Variants in SNTG1 observed in about 807,000 individuals in gnomAD.
SNTG1 encodes the protein syntrophin gamma 1.
Under a neutral mutation model 74.7 loss-of-function variants are expected in SNTG1, and 39 were observed. The observed-to-expected ratio is 0.52, with a 90% CI of 0.40 to 0.68. SNTG1 has a LOEUF of 0.68. SNTG1 is among the 30% of genes least tolerant of loss of function. SNTG1 has a pLI of 0.00. For synonymous variants in SNTG1, 254 were observed against 217.1 expected (o/e 1.17, Z -1.49); for missense variants, 685 against 609.5 (o/e 1.12, Z -1.30).
chr8:50,535,787 A>G (rs2094303212), intron 10 of SNTG1, among the ~76,000 whole-genome samples: 1 of 152,198 alleles, frequency 6.6e-6, no homozygotes, highest in Non-Finnish European at 1.5e-5. Flanking sequence ...CAGAGTTTCA[A>G]TATCTAGACT....
chr8:50,553,859 C>T (rs2094441005), intron 12 of SNTG1, among the ~76,000 whole-genome samples: 1 of 152,138 alleles, frequency 6.6e-6, no homozygotes, highest in Admixed American at 6.6e-5. Context: ...GAGTATCAAT[C>T]TAGGTATCAT....
At chr8:49,931,283 AC>A (rs1807565127) in intron 1 of SNTG1, among the ~76,000 whole-genome samples, 1 of 152,234 alleles carries the variant, frequency 6.6e-6, no homozygotes, top group Non-Finnish European at 1.5e-5. Flanking sequence ...TGGAATATCC[AC>A]ATATCCTATA....
At chr8:49,979,757 G>A (rs1248837922) in intron 1 of SNTG1, among the ~76,000 whole-genome samples, 1 of 152,190 alleles carries the variant, frequency 6.6e-6, no homozygotes, top group Non-Finnish European at 1.5e-5. Flanking sequence ...AGGTATACTG[G>A]CTGAATGTTC....
intron 1 of SNTG1, among the ~76,000 whole-genome samples, chr8:49,998,356 T>C (rs967070046): frequency 6.6e-6 from 1 of 152,156 alleles, no homozygotes; most frequent in Non-Finnish European, 1.5e-5. Flanking sequence ...CAGGCTAGAC[T>C]AAGTTTATAA....
chr8:50,535,753 A>G (rs1431910899), intron 10 of SNTG1, among the ~76,000 whole-genome samples: 2 of 152,226 alleles, frequency 1.3e-5, no homozygotes, highest in African/African-American at 4.8e-5. Flanking sequence ...CCTGAGAGTA[A>G]TGCTTAATAA....
chr8:50,452,056 A>T (rs759335596), intron 8 of SNTG1, among the ~76,000 whole-genome samples: 2 of 152,222 alleles, frequency 1.3e-5, no homozygotes, highest in Non-Finnish European at 2.9e-5. Flanking sequence ...TACATTTCAC[A>T]TCTAAGAGAG....
Position 50,038,614 on chromosome 8 carries a change from G to C in SNTG1, c.-103+126383G>C, listed in dbSNP as rs542952423. On this transcript the variant is annotated intron_variant, in intron 1 of 18. Transcript: ENST00000642720. ...CTGTTCCTCCCCATTTGATGTGAAG[G>C]GTAAAAGAAAAAAAATTCATCACTC... Among the ~76,000 whole-genome samples, 8 of 151,906 alleles carry C rather than the reference G, an allele frequency of 5.3e-5. No individual in the cohort carries two copies. The East Asian group carries it at 1.5e-3, about 29-fold the overall frequency.
chr8:50,364,917 A>C (rs1208409854), intron 2 of SNTG1, among the ~76,000 whole-genome samples: 2 of 152,010 alleles, frequency 1.3e-5, no homozygotes, highest in African/African-American at 4.8e-5. Flanking sequence ...TTATTTTTTC[A>C]AACAGAAAAA....
chr8:50,137,442 T>G (rs896432819), intron 1 of SNTG1, among the ~76,000 whole-genome samples: 6 of 152,162 alleles, frequency 3.9e-5, no homozygotes, highest in Non-Finnish European at 7.3e-5. Flanking sequence ...TTGCTGTGTT[T>G]CAGTAGGTGT....
intron 2 of SNTG1, among the ~76,000 whole-genome samples, chr8:50,209,068 G>T (rs907220478): frequency 1.3e-5 from 2 of 152,192 alleles, no homozygotes; most frequent in East Asian, 3.9e-4. Flanking sequence ...CACATCAGGA[G>T]ATTATATCCT....
intron 2 of SNTG1, among the ~76,000 whole-genome samples, chr8:50,315,154 T>C (rs2090267875): frequency 6.7e-6 from 1 of 149,824 alleles, no homozygotes; most frequent in South Asian, 2.2e-4. Context: ...ATTTCTGAAA[T>C]GCAAGATAAG....
chr8:50,568,105 T>C (rs1331043924), intron 12 of SNTG1, among the ~76,000 whole-genome samples: 1 of 152,088 alleles, frequency 6.6e-6, no homozygotes, highest in African/African-American at 2.4e-5. Flanking sequence ...GCTCATGCAA[T>C]GTCTGTCTTT....
chr8:49,934,280 G>GATCTATCT (rs6150575), intron 1 of SNTG1, among the ~76,000 whole-genome samples: 293 of 146,500 alleles, frequency 2.0e-3, no homozygotes, highest in Admixed American at 2.8e-3. Context: ...ATACTATATA[G>GATCTATCT]ATCTATCTAT....
At chr8:50,687,578 T>A (rs1041731081) in intron 15 of SNTG1, among the ~76,000 whole-genome samples, 44 of 152,212 alleles carry the variant, frequency 2.9e-4, no homozygotes, top group African/African-American at 1.1e-3. Context: ...ACGTTCTTTT[T>A]TTATTATTAT....
chr8:50,658,536 A>G (rs927842505), intron 14 of SNTG1, 56 bp from the exon 15 acceptor site: 1 of 1,266,844 alleles, frequency 7.9e-7, no homozygotes, highest in East Asian at 2.4e-5. Flanking sequence ...CAAATCAAAT[A>G]CAGTGGTAAA....
In SNTG1 at chr8:50,547,417, C is replaced by A. The variant is rs1225616186; in HGVS notation, c.681-5633C>A. Among the ~76,000 whole-genome samples, 71 of 152,110 alleles carry A rather than the reference C, an allele frequency of 4.7e-4. 1 individual carries two copies. Among genetic ancestry groups the A allele is most frequent in the Non-Finnish European group, 1.5e-5 (1 of 68,026 alleles). ...ATGTAGGGGATTAAAAAAGAAACTG[C>A]CACAATCCCCTTAAAATATATGAAT... On this transcript the variant is annotated intron_variant, in intron 11 of 18. Transcript: ENST00000642720.
intron 8 of SNTG1, among the ~76,000 whole-genome samples, chr8:50,453,751 T>C (rs930591419): frequency 6.6e-6 from 1 of 152,192 alleles, no homozygotes; most frequent in African/African-American, 2.4e-5. Context: ...ATGCTGCTGC[T>C]CTTCTCCCTA....
At chr8:50,530,289 A>G (rs984746302) in intron 10 of SNTG1, 30 bp downstream of exon 10, 1 of 1,598,278 alleles carries the variant, frequency 6.3e-7, no homozygotes, top group South Asian at 1.1e-5. Context: ...GCTCAGATTA[A>G]TAAGGAGATA....
chr8:50,586,963 A>G (rs1002328348), intron 12 of SNTG1, among the ~76,000 whole-genome samples: 3 of 152,102 alleles, frequency 2.0e-5, no homozygotes. Flanking sequence ...AATAACCCCT[A>G]AATAAAAAAC....
Sources: gnomAD v4.1 joint callset for allele counts (sites outside exome capture counted in the v4.1 genomes callset) on GRCh38, gnomAD v4.1.1 for gene constraint, MANE v1.5 for transcripts, NCBI Gene and HGNC (gene_info 2026-07-23, HGNC 2026-07-21) for gene names.